The following EXOC4 variants were observed in gnomAD, a reference collection of about 807,000 sequenced individuals.
EXOC4 encodes the protein exocyst complex component 4.
A neutral mutation model predicts 107.2 loss-of-function variants in EXOC4; 71 were observed. The observed-to-expected ratio is 0.66, with a 90% CI of 0.55 to 0.81. The LOEUF (loss-of-function observed/expected upper bound fraction) is 0.81. Ranked by LOEUF, EXOC4 falls within the 30% of genes least tolerant of loss-of-function variation. The pLI, the probability that EXOC4 is intolerant of heterozygous loss-of-function variation, is 0.00. For missense variants in EXOC4, 1,108 were observed against 1,189.6 expected, an observed-to-expected ratio of 0.93 and a Z score of 1.01; for synonymous variants, 456 against 441.2, an observed-to-expected ratio of 1.03 and a Z score of -0.42.
At chr7:133,683,529 G>A (rs1188964757) in intron 10 of EXOC4, among the ~76,000 whole-genome samples, 1 of 152,084 alleles carries the variant, frequency 6.6e-6, no homozygotes, top group Admixed American at 6.6e-5. Flanking sequence ...TGAATCAAAT[G>A]AAAATATACT....
At chr7:133,782,441 A>G (rs1451079360) in intron 10 of EXOC4, among the ~76,000 whole-genome samples, 5 of 152,306 alleles carry the variant, frequency 3.3e-5, no homozygotes, top group Non-Finnish European at 7.3e-5. Flanking sequence ...GCAAAATTCA[A>G]TTAGAAATTA....
chr7:133,857,998 GAGGGC>G, intron 11 of EXOC4, among the ~76,000 whole-genome samples: 1 of 152,290 alleles, frequency 6.6e-6, no homozygotes, highest in Admixed American at 6.5e-5. Flanking sequence ...CGGAGGGCAG[GAGGGC>G]TATAGTGCTA....
At chr7:133,753,788 G>T (rs1299387644) in intron 10 of EXOC4, among the ~76,000 whole-genome samples, 1 of 152,182 alleles carries the variant, frequency 6.6e-6, no homozygotes, top group Non-Finnish European at 1.5e-5. Context: ...GAAGGGTGGG[G>T]CGAGGCTGGA....
chr7:133,394,596 A>G (rs1796929297), intron 7 of EXOC4, among the ~76,000 whole-genome samples: 1 of 152,166 alleles, frequency 6.6e-6, no homozygotes, highest in African/African-American at 2.4e-5. Context: ...TTGGGAGTTG[A>G]GGTGCTATAG....
chr7:133,570,851 TAAG>T (rs761273438), intron 9 of EXOC4, among the ~76,000 whole-genome samples: 1 of 152,206 alleles, frequency 6.6e-6, no homozygotes, highest in African/African-American at 2.4e-5. Flanking sequence ...TGTTTATTAA[TAAG>T]AAGTAAAATT....
chr7:134,053,560 T>TTATATATATATA (rs112636370), intron 17 of EXOC4, among the ~76,000 whole-genome samples: 7 of 149,220 alleles, frequency 4.7e-5, no homozygotes, highest in African/African-American at 1.7e-4. Flanking sequence ...ATATCTGATT[T>TTATATATATATA]TATATATATA....
chr7:133,752,332 C>T (rs1795811852), intron 10 of EXOC4, among the ~76,000 whole-genome samples: 2 of 152,140 alleles, frequency 1.3e-5, no homozygotes, highest in Admixed American at 1.3e-4. Flanking sequence ...GTGCAGAGTC[C>T]TAAGTTTTTG....
chr7:133,253,347 AATT>A, intron 1 of EXOC4, 160 bp downstream of exon 1: 1 of 1,401,902 alleles, frequency 7.1e-7, no homozygotes, highest in Non-Finnish European at 9.3e-7. Context: ...GGGCCCCAGC[AATT>A]CCCCCTCCAC....
Position 134,064,508 on chromosome 7 carries a change from A to G in EXOC4, c.2905A>G (p.Lys969Glu). 1 of 1,602,906 alleles carries G rather than the reference A, an allele frequency of 6.2e-7. No individual in the cohort carries two copies. The highest frequency in any genetic ancestry group is 8.5e-7 in the Non-Finnish European group (1 of 1,174,360). ...QAAIKQATKD[K>E]KITTV is the part of the protein sequence containing the mutation. Reference sequence around the variant, plus strand: ...TGCCATCAAGCAAGCCACCAAGGACAAGAAGATAACTACCGTTTAGCAGGG... The same window carrying G: ...TGCCATCAAGCAAGCCACCAAGGACGAGAAGATAACTACCGTTTAGCAGGG... Residue 969 changes from lysine to glutamate, a missense_variant, in exon 18 of 18, where the codon AAG becomes GAG. Coordinates refer to ENST00000253861, the MANE Select transcript of EXOC4 (RefSeq NM_021807.4).
intron 10 of EXOC4, among the ~76,000 whole-genome samples, chr7:133,806,966 A>G (rs754005198): frequency 1.1e-4 from 17 of 152,182 alleles, no homozygotes; most frequent in Non-Finnish European, 2.4e-4. Context: ...GTCCACTTCT[A>G]TGCTGATTTT....
At chr7:133,949,170 A>G (rs1800628167) in intron 14 of EXOC4, among the ~76,000 whole-genome samples, 1 of 152,208 alleles carries the variant, frequency 6.6e-6, no homozygotes, top group Non-Finnish European at 1.5e-5. Flanking sequence ...GTAGTCATGC[A>G]TTCAGGGAGA....
At chr7:133,312,054 A>C (rs775781932) in intron 4 of EXOC4, among the ~76,000 whole-genome samples, 3 of 152,204 alleles carry the variant, frequency 2.0e-5, no homozygotes, top group Non-Finnish European at 4.4e-5. Context: ...TTTTGTTTCT[A>C]GGTCTACATC....
At chr7:133,281,583 CTG>C (rs939637821) in intron 2 of EXOC4, among the ~76,000 whole-genome samples, 1 of 151,954 alleles carries the variant, frequency 6.6e-6, no homozygotes, top group African/African-American at 2.4e-5. Flanking sequence ...TATTTCTAGT[CTG>C]TAGTTTCAAT....
At chr7:133,908,113 C>T (rs1243726228) in intron 12 of EXOC4, among the ~76,000 whole-genome samples, 1 of 152,212 alleles carries the variant, frequency 6.6e-6, no homozygotes, top group Non-Finnish European at 1.5e-5. Flanking sequence ...AGCCAGTCCT[C>T]ATTTCTCCTA....
At chr7:134,057,375 A>C (rs1016089798) in intron 17 of EXOC4, among the ~76,000 whole-genome samples, 10 of 151,882 alleles carry the variant, frequency 6.6e-5, no homozygotes, top group East Asian at 1.9e-4. Context: ...TAAAAAAAAA[A>C]CAAAAAACTG....
chr7:134,015,030 A>G (rs1794868780), intron 17 of EXOC4, among the ~76,000 whole-genome samples: 1 of 152,176 alleles, frequency 6.6e-6, no homozygotes, highest in Admixed American at 6.5e-5. Context: ...ATAGGGAGAA[A>G]GTCATTTGGA....
At chr7:133,414,635 A>G (rs1563056786) in intron 7 of EXOC4, among the ~76,000 whole-genome samples, 1 of 152,216 alleles carries the variant, frequency 6.6e-6, no homozygotes, top group Non-Finnish European at 1.5e-5. Context: ...ACATGTATCC[A>G]CATGGATACA....
At chr7:133,444,490 G>A (rs546839447) in intron 7 of EXOC4, among the ~76,000 whole-genome samples, 2 of 152,262 alleles carry the variant, frequency 1.3e-5, no homozygotes, top group East Asian at 1.9e-4. Flanking sequence ...CCTGCCCCAC[G>A]GAGCTTATGT....
intron 9 of EXOC4, 77 bp from the exon 10 acceptor site, chr7:133,629,968 T>C: frequency 2.0e-6 from 2 of 977,310 alleles, no homozygotes; most frequent in South Asian, 2.7e-5. Context: ...AGTATAGGAC[T>C]CATCTAGATA....
Sources: gnomAD v4.1 joint callset for allele counts (sites outside exome capture counted in the v4.1 genomes callset) on GRCh38, gnomAD v4.1.1 for gene constraint, MANE v1.5 for transcripts, NCBI Gene and HGNC (gene_info 2026-07-23, HGNC 2026-07-21) for gene names.